Variants in RALYL observed in about 807,000 individuals in gnomAD.
RALYL encodes RNA-binding Raly-like protein.
A neutral mutation model predicts 35.1 loss-of-function variants in RALYL; 29 were observed. The observed-to-expected ratio is 0.83, with a 90% CI of 0.61 to 1.13. RALYL has a LOEUF of 1.13. Ranked by LOEUF, RALYL falls within the 50% of genes most tolerant of loss-of-function variation. The pLI is 0.00. For missense variants in RALYL, 359 were observed against 360.4 expected (o/e 1.00, Z 0.03); for synonymous variants, 120 against 127.6 (o/e 0.94, Z 0.40).
At chr8:84,537,126 A>C (rs2059663102) in intron 2 of RALYL, among the ~76,000 whole-genome samples, 7 of 148,844 alleles carry the variant, frequency 4.7e-5, no homozygotes. Flanking sequence ...CATGTACCCT[A>C]GAACTTAAAG....
chr8:84,849,690 C>T (rs1835421187), intron 4 of RALYL, among the ~76,000 whole-genome samples: 1 of 151,972 alleles, frequency 6.6e-6, no homozygotes, highest in Non-Finnish European at 1.5e-5. Context: ...TCCCGTGTAG[C>T]TGGGACTACA....
chr8:84,698,418 GA>G lies in RALYL; in HGVS notation c.257-76160del, dbSNP rs1839554266. 2.0e-5 allele frequency among the ~76,000 whole-genome samples: 3 copies of G among 151,916 alleles called. No homozygotes were observed. In the South Asian group the frequency reaches 6.2e-4, roughly 32 times the overall value. ...GGTGATGATGTAAAATTATAATATA[GA>G]GTCCCAATGATAATAACATATATTC... is the stretch of plus-strand genomic sequence containing the variant. On this transcript the variant is annotated intron_variant, in intron 2 of 8. Coordinates refer to ENST00000521268, the MANE Select transcript of RALYL (RefSeq NM_173848.7).
chr8:84,632,986 A>G (rs1320971522), intron 2 of RALYL, among the ~76,000 whole-genome samples: 2 of 151,878 alleles, frequency 1.3e-5, no homozygotes, highest in Non-Finnish European at 2.9e-5. Context: ...TTAAATATCT[A>G]TCCCACAAAT....
At chr8:84,270,553 C>CGTGTGTGTGTGTGTGT (rs34047869) in intron 1 of RALYL, among the ~76,000 whole-genome samples, 1 of 147,250 alleles carries the variant, frequency 6.8e-6, no homozygotes, top group Non-Finnish European at 1.5e-5. Flanking sequence ...ACATGAAATT[C>CGTGTGTGTGTGTGTGT]GTGTGTGTGT....
intron 2 of RALYL, among the ~76,000 whole-genome samples, chr8:84,645,851 C>T (rs1222893764): frequency 6.6e-6 from 1 of 152,024 alleles, no homozygotes; most frequent in Non-Finnish European, 1.5e-5. Flanking sequence ...GGTCTGATTG[C>T]CTGTCTATTC....
intron 3 of RALYL, among the ~76,000 whole-genome samples, chr8:84,788,100 A>G (rs1170156247): frequency 6.6e-6 from 1 of 152,102 alleles, no homozygotes; most frequent in Non-Finnish European, 1.5e-5. Flanking sequence ...GCCCATGTCT[A>G]TGTCCTGAAT....
intron 1 of RALYL, among the ~76,000 whole-genome samples, chr8:84,435,603 G>C (rs2047629368): frequency 6.6e-6 from 1 of 152,054 alleles, no homozygotes; most frequent in Non-Finnish European, 1.5e-5. Context: ...AACAAGATTG[G>C]ATCATGTGAA....
At chr8:84,403,683 T>A (rs1398194599) in intron 1 of RALYL, among the ~76,000 whole-genome samples, 1 of 151,982 alleles carries the variant, frequency 6.6e-6, no homozygotes. Context: ...TTTGGTTCCA[T>A]ATGAAATTTA....
intron 2 of RALYL, among the ~76,000 whole-genome samples, chr8:84,726,071 T>C (rs1399065658): frequency 6.6e-6 from 1 of 151,094 alleles, no homozygotes; most frequent in African/African-American, 2.4e-5. Flanking sequence ...AATTCAGATG[T>C]AAAATAGCCT....
chr8:84,853,842 T>TTC (rs1407904676), intron 5 of RALYL, among the ~76,000 whole-genome samples: 1 of 152,114 alleles, frequency 6.6e-6, no homozygotes, highest in East Asian at 1.9e-4. Context: ...TGTTTTCTTT[T>TTC]TCTCTCTCTC....
At chr8:84,613,192 A>G (rs1346620361) in intron 2 of RALYL, among the ~76,000 whole-genome samples, 4 of 151,696 alleles carry the variant, frequency 2.6e-5, no homozygotes, top group Non-Finnish European at 5.9e-5. Context: ...ACAGTCTGAG[A>G]CCTGAAAGCC....
At chr8:84,803,780 CA>C (rs1259540650) in intron 3 of RALYL, among the ~76,000 whole-genome samples, 1 of 152,048 alleles carries the variant, frequency 6.6e-6, no homozygotes, top group Non-Finnish European at 1.5e-5. Context: ...GAAATAGAGA[CA>C]AAAAAGTAAT....
intron 1 of RALYL, among the ~76,000 whole-genome samples, chr8:84,464,829 C>A (rs1418100463): frequency 1.4e-5 from 2 of 145,238 alleles, no homozygotes; most frequent in African/African-American, 5.1e-5. Context: ...TAATGACTGC[C>A]ATTCTAACTG....
intron 2 of RALYL, among the ~76,000 whole-genome samples, chr8:84,740,523 G>GT (rs1469937476): frequency 6.6e-6 from 1 of 151,922 alleles, no homozygotes; most frequent in Non-Finnish European, 1.5e-5. Flanking sequence ...TTTTATTGTG[G>GT]TAAGAATACT....
At chr8:84,551,726 G>A (rs2060732511) in intron 2 of RALYL, among the ~76,000 whole-genome samples, 1 of 152,122 alleles carries the variant, frequency 6.6e-6, no homozygotes, top group South Asian at 2.1e-4. Context: ...TACACTGGGG[G>A]CAGAGAGCCA....
At chr8:84,398,744 C>A (rs546032884) in intron 1 of RALYL, among the ~76,000 whole-genome samples, 1 of 152,112 alleles carries the variant, frequency 6.6e-6, no homozygotes, top group East Asian at 1.9e-4. Flanking sequence ...AAGGCCAAAG[C>A]GGGTCGATCA....
rs1017239310 is a variant in RALYL at position 84,921,441 on chromosome 8, A to G, written c.*530A>G. The G allele has an allele frequency of 3.9e-5, 6 of 152,158 alleles. No individual in the cohort carries two copies. Among genetic ancestry groups the G allele is most frequent in the Admixed American group, 2.0e-4 (3 of 15,280 alleles). 9.4% of individuals were successfully genotyped at this position (152,158 alleles called of 1,614,324 possible). On this transcript the variant is annotated 3_prime_UTR_variant, in exon 9 of 9. Coordinates refer to ENST00000521268, the MANE Select transcript of RALYL (RefSeq NM_173848.7). ...TGAAAAAGTTATATTTCTGCCCTGT[A>G]TAAGCACCCTTTTTATTAATAAAGA...
intron 1 of RALYL, among the ~76,000 whole-genome samples, chr8:84,274,624 C>T (rs540829015): frequency 9.2e-5 from 14 of 152,254 alleles, no homozygotes; most frequent in African/African-American, 3.4e-4. Flanking sequence ...CTGTTGCTGA[C>T]ACCATAAGAG....
At chr8:84,392,907 A>G (rs1180087686) in intron 1 of RALYL, among the ~76,000 whole-genome samples, 2 of 152,080 alleles carry the variant, frequency 1.3e-5, no homozygotes, top group Non-Finnish European at 2.9e-5. Flanking sequence ...AAAATCTCAA[A>G]TTTCAAATGT....
Sources: gnomAD v4.1 joint callset for allele counts (sites outside exome capture counted in the v4.1 genomes callset) on GRCh38, gnomAD v4.1.1 for gene constraint, MANE v1.5 for transcripts, NCBI Gene and HGNC (gene_info 2026-07-23, HGNC 2026-07-21) for gene names.